Variants in CHN2 observed in about 807,000 individuals in gnomAD.
The protein encoded by CHN2 is chimerin 2.
In CHN2, 35 loss-of-function variants were observed where a neutral mutation model predicts 56.3. That is an observed-to-expected ratio of 0.62 (90% confidence interval 0.47 to 0.82). The LOEUF (loss-of-function observed/expected upper bound fraction) is 0.82. Ranked by LOEUF, CHN2 falls within the 40% of genes least tolerant of loss-of-function variation. The pLI is 0.00. For missense variants in CHN2, 491 were observed against 580.5 expected (o/e 0.85, Z 1.58); for synonymous variants, 210 against 212.8 (o/e 0.99, Z 0.12).
chr7:29,513,583 TG>T lies in CHN2; in HGVS notation c.*850del, dbSNP rs1159418514. 2.0e-5 allele frequency: 3 copies of T among 149,218 alleles called. No individual in the cohort carries two copies. The highest frequency in any genetic ancestry group is 4.4e-5 in the Non-Finnish European group (3 of 67,540). 9.2% of individuals were successfully genotyped at this position (149,218 alleles called of 1,614,324 possible). ...TTTACCTGAAATTATTTGAGAACAC[TG>T]GATGTATCTGGTCTGTGTAAAAAGT... On this transcript the variant is annotated 3_prime_UTR_variant, in exon 13 of 13. Coordinates refer to ENST00000222792, the MANE Select transcript of CHN2 (RefSeq NM_004067.4).
At chr7:29,195,381 A>T (rs781647267) in intron 1 of CHN2, 1 of 220,122 alleles carries the variant, frequency 4.5e-6, no homozygotes, top group Non-Finnish European at 8.9e-6. Flanking sequence ...CGCGCCCGCT[A>T]CCCTGGACAC....
chr7:29,361,461 T>A (rs1165722100), intron 2 of CHN2, among the ~76,000 whole-genome samples: 1 of 152,168 alleles, frequency 6.6e-6, no homozygotes, highest in African/African-American at 2.4e-5. Flanking sequence ...TGGAACAGCA[T>A]AGAACAGGGT....
chr7:29,222,539 A>T (rs1250809891), intron 1 of CHN2, among the ~76,000 whole-genome samples: 2 of 152,032 alleles, frequency 1.3e-5, no homozygotes, highest in Admixed American at 1.3e-4. Flanking sequence ...GAAATAAGAA[A>T]CAGTAAATCC....
At chr7:29,303,927 G>A (rs890266524) in intron 1 of CHN2, among the ~76,000 whole-genome samples, 22 of 152,162 alleles carry the variant, frequency 1.4e-4, no homozygotes, top group African/African-American at 5.1e-4. Context: ...AGGTGTGGTG[G>A]CATGCGCCTG....
At chr7:29,442,934 CTTT>C (rs541792526) in intron 6 of CHN2, among the ~76,000 whole-genome samples, 3 of 103,052 alleles carry the variant, frequency 2.9e-5, no homozygotes, top group African/African-American at 4.8e-5. Flanking sequence ...CATTGAATTT[CTTT>C]TTTTTTTTTT....
chr7:29,401,373 CAA>C (rs1802194826), intron 6 of CHN2: 1 of 152,080 alleles, frequency 6.6e-6, no homozygotes, highest in Non-Finnish European at 1.5e-5. Context: ...GGACTTCTAC[CAA>C]GTCATTTGTG....
chr7:29,239,214 G>A lies in CHN2; in HGVS notation c.49+44224G>A, dbSNP rs549952002. On this transcript the variant is annotated intron_variant, in intron 1 of 12. Coordinates refer to ENST00000222792, the MANE Select transcript of CHN2 (RefSeq NM_004067.4). ...GTGACATATGCTTGAATTTTGAGGG[G>A]TTTGAAGGTAGAGCTAGAACAGGAT... 6.2e-4 allele frequency among the ~76,000 whole-genome samples: 95 copies of A among 152,202 alleles called. 1 individual carries two copies. The South Asian group carries it at 0.018, about 29-fold the overall frequency.
chr7:29,345,298 G>A (rs1562533311), intron 1 of CHN2, among the ~76,000 whole-genome samples: 1 of 152,244 alleles, frequency 6.6e-6, no homozygotes, highest in Non-Finnish European at 1.5e-5. Flanking sequence ...TATCTGTCTA[G>A]CATGGGAAGA....
intron 6 of CHN2, among the ~76,000 whole-genome samples, chr7:29,441,282 A>G (rs1783626723): frequency 6.6e-6 from 1 of 152,204 alleles, no homozygotes; most frequent in African/African-American, 2.4e-5. Flanking sequence ...GAGTTGGGCT[A>G]CCTCACACCA....
intron 1 of CHN2, among the ~76,000 whole-genome samples, chr7:29,296,653 T>C (rs780887253): frequency 6.6e-6 from 1 of 152,202 alleles, no homozygotes. Flanking sequence ...TTGCATGTTA[T>C]AGGGCAGGGT....
intron 9 of CHN2, among the ~76,000 whole-genome samples, chr7:29,502,727 T>C (rs1052907606): frequency 1.7e-4 from 25 of 151,192 alleles, no homozygotes; most frequent in African/African-American, 6.2e-4. Flanking sequence ...CTTGGCATAT[T>C]ATATAAGGCA....
intron 2 of CHN2, among the ~76,000 whole-genome samples, chr7:29,148,862 G>A (rs539343599): frequency 2.0e-5 from 3 of 152,254 alleles, no homozygotes; most frequent in Non-Finnish European, 4.4e-5. Context: ...GTGTGTGTGG[G>A]GGAACAGAGG....
At chr7:29,254,146 A>G (rs1788869494) in intron 1 of CHN2, among the ~76,000 whole-genome samples, 1 of 152,150 alleles carries the variant, frequency 6.6e-6, no homozygotes, top group Admixed American at 6.5e-5. Flanking sequence ...CTCGTGATCC[A>G]TCTGCCTTGG....
chr7:29,265,994 G>A (rs932677421), intron 1 of CHN2, among the ~76,000 whole-genome samples: 4 of 152,142 alleles, frequency 2.6e-5, no homozygotes, highest in Non-Finnish European at 4.4e-5. Context: ...AAAGTTCAAG[G>A]CCTGAGCAAA....
At chr7:29,489,489 C>T (rs911454479) in intron 7 of CHN2, among the ~76,000 whole-genome samples, 4 of 152,100 alleles carry the variant, frequency 2.6e-5, no homozygotes, top group Non-Finnish European at 4.4e-5. Context: ...AAGTAGAAGC[C>T]AAATAAAATG....
chr7:29,213,099 G>A, intron 1 of CHN2: 2 of 1,600,788 alleles, frequency 1.2e-6, no homozygotes, highest in East Asian at 4.5e-5. Flanking sequence ...AGGCTGCCTT[G>A]GAAGCTGCAG....
At chr7:29,195,621 A>AGT (rs1439305489) in intron 1 of CHN2, among the ~76,000 whole-genome samples, 5 of 127,508 alleles carry the variant, frequency 3.9e-5, no homozygotes, top group African/African-American at 1.7e-4. Flanking sequence ...AGAGAGAGAG[A>AGT]GAGAGAGAGT....
chr7:29,445,077 C>G, intron 6 of CHN2: 1 of 454,272 alleles, frequency 2.2e-6, no homozygotes, highest in Non-Finnish European at 4.4e-6. Flanking sequence ...TTGGTCCCAG[C>G]TGGTATGTTT....
At chr7:29,366,945 C>T (rs2128039927) in intron 2 of CHN2, among the ~76,000 whole-genome samples, 1 of 152,266 alleles carries the variant, frequency 6.6e-6, no homozygotes, top group East Asian at 1.9e-4. Flanking sequence ...AAAAATAGAT[C>T]AGAAAGTTTT....
Sources: allele counts gnomAD v4.1 joint callset (sites outside exome capture counted in the v4.1 genomes callset), GRCh38; gene constraint gnomAD v4.1.1; transcripts MANE v1.5; gene names NCBI Gene and HGNC (gene_info 2026-07-23, HGNC 2026-07-21).